The following CFAP44 variants were observed in gnomAD, a reference collection of about 807,000 sequenced individuals.
The protein encoded by CFAP44 is cilia- and flagella-associated protein 44.
Under a neutral mutation model 216.2 loss-of-function variants are expected in CFAP44, and 134 were observed. That is an observed-to-expected ratio of 0.62 (90% CI 0.54 to 0.72). CFAP44 has a LOEUF of 0.72. CFAP44 is among the 30% of genes least tolerant of loss of function. The pLI, the probability that CFAP44 is intolerant of heterozygous loss-of-function variation, is 0.00. For synonymous variants in CFAP44, 700 were observed against 727.6 expected, an observed-to-expected ratio of 0.96 and a Z score of 0.61; for missense variants, 2,035 against 2,182.1, an observed-to-expected ratio of 0.93 and a Z score of 1.34.
intron 6 of CFAP44, among the ~76,000 whole-genome samples, chr3:113,409,849 T>C (rs1196206536): frequency 6.6e-6 from 1 of 152,216 alleles, no homozygotes; most frequent in Admixed American, 6.5e-5. Flanking sequence ...TCGTCCTCAC[T>C]ACTCATTATA....
chr3:113,376,975 T>C (rs530743727), intron 17 of CFAP44, among the ~76,000 whole-genome samples: 11 of 152,280 alleles, frequency 7.2e-5, no homozygotes, highest in Non-Finnish European at 1.5e-4. Flanking sequence ...ACAGTGTCCT[T>C]GGAGAGTTGC....
intron 4 of CFAP44, among the ~76,000 whole-genome samples, chr3:113,423,022 G>A (rs947836137): frequency 2.7e-5 from 4 of 149,222 alleles, no homozygotes; most frequent in African/African-American, 9.9e-5. Flanking sequence ...CTAACACACT[G>A]TCTTCAGCCT....
chr3:113,427,235 C>G lies in CFAP44; in HGVS notation c.205G>C (p.Glu69Gln). The G allele has an allele frequency of 3.7e-6, 6 of 1,613,636 alleles. No individual in the cohort carries two copies. The South Asian group carries it at 6.6e-5, about 18-fold the overall frequency. The change falls in exon 3 of 35, where the codon GAA becomes CAA. Residue 69 changes from glutamate (E) to glutamine (Q), a missense_variant. By Grantham distance (29) the Glu-to-Gln change is conservative (BLOSUM62 2). Transcript: ENST00000393845. ...LEEDSDEERL[E>Q]GSLSSFQYGD... ...TACTGAAATGAACTCAAACTTCCTT[C>G]CAAACGTTCCTCATCTGAGTCTTCT...
intron 28 of CFAP44, among the ~76,000 whole-genome samples, chr3:113,308,609 G>A (rs1344032001): frequency 6.8e-6 from 1 of 146,996 alleles, no homozygotes; most frequent in African/African-American, 2.5e-5. Context: ...TTTTTCTTTT[G>A]AGACAGGATC....
At chr3:113,375,522 T>G (rs535075273) in intron 17 of CFAP44, among the ~76,000 whole-genome samples, 1 of 152,038 alleles carries the variant, frequency 6.6e-6, no homozygotes, top group Non-Finnish European at 1.5e-5. Context: ...ACACATAAAG[T>G]TGGGGTCCCA....
At chr3:113,423,105 C>CTTTTTTT (rs72395986) in intron 4 of CFAP44, among the ~76,000 whole-genome samples, 52 of 79,162 alleles carry the variant, frequency 6.6e-4, no homozygotes, top group African/African-American at 1.3e-3. Context: ...CTGATCCTTC[C>CTTTTTTT]TTTTTTTTTT....
intron 13 of CFAP44, 64 bp from the exon 14 acceptor site, chr3:113,396,791 CAG>C: frequency 6.8e-7 from 1 of 1,469,490 alleles, no homozygotes; most frequent in Non-Finnish European, 9.3e-7. Context: ...TACTATATAA[CAG>C]ATATTTTATT....
At position 113,339,812 on chromosome 3, in the gene CFAP44, A is replaced by G. The variant is rs555853885; in HGVS notation, c.3437+1932T>C. 2.5e-4 allele frequency among the ~76,000 whole-genome samples: 38 copies of G among 152,308 alleles called. 1 individual carries two copies. The South Asian group carries it at 7.3e-3, about 29-fold the overall frequency. On this transcript the variant is annotated intron_variant, in intron 24 of 34. Transcript: ENST00000393845. ...GCAGGGGCCATTCCTGTTAACTTTC[A>G]TATCAGAAACAGAGCTAGGGGGAGC...
At chr3:113,416,091 C>T (rs945623252) in intron 6 of CFAP44, among the ~76,000 whole-genome samples, 1 of 152,026 alleles carries the variant, frequency 6.6e-6, no homozygotes, top group Non-Finnish European at 1.5e-5. Flanking sequence ...TTGAATTGTT[C>T]CTGTTACCAT....
intron 22 of CFAP44, among the ~76,000 whole-genome samples, chr3:113,354,811 A>C (rs535413702): frequency 6.6e-6 from 1 of 152,274 alleles, no homozygotes; most frequent in African/African-American, 2.4e-5. Flanking sequence ...GCAAGTTTGC[A>C]TCCTCCCTAC....
chr3:113,374,625 C>T (rs1050217483), intron 17 of CFAP44, among the ~76,000 whole-genome samples: 3 of 151,944 alleles, frequency 2.0e-5, no homozygotes, highest in South Asian at 2.1e-4. Context: ...GGGAACAATC[C>T]AAGTGTCTAT....
chr3:113,405,836 A>C (rs1934260470), intron 8 of CFAP44, among the ~76,000 whole-genome samples: 1 of 152,196 alleles, frequency 6.6e-6, no homozygotes. Flanking sequence ...AGTATTGAGA[A>C]TTTGAAGCTG....
Position 113,379,334 on chromosome 3 carries a change from G to A in CFAP44, c.2270C>T (p.Ser757Leu). The A allele has an allele frequency of 1.9e-6, 3 of 1,600,180 alleles. No homozygotes were observed. Among genetic ancestry groups the A allele is most frequent in the Non-Finnish European group, 2.6e-6 (3 of 1,170,734 alleles). ...AGAAACCCAGAACTTCCCTGGCTCTGAGTAAAATCCACAGAGGATGGGAGA... is the reference window on the plus strand; with the variant it reads ...AGAAACCCAGAACTTCCCTGGCTCTAAGTAAAATCCACAGAGGATGGGAGA... The part of the protein sequence containing the change: ...TPSPILCGFY[S>L]EPGKFWVSLG... Residue 757 changes from serine (S) to leucine (L), a missense_variant, in exon 17 of 35, where the codon TCA becomes TTA. By Grantham distance (145) the Ser-to-Leu change is moderately radical (BLOSUM62 -2). Coordinates refer to ENST00000393845, the MANE Select transcript of CFAP44 (RefSeq NM_001164496.2).
chr3:113,295,936 T>C (rs1483229780), intron 33 of CFAP44, among the ~76,000 whole-genome samples: 1 of 152,214 alleles, frequency 6.6e-6, no homozygotes, highest in Non-Finnish European at 1.5e-5. Flanking sequence ...CAGGTGTACA[T>C]GTACAAGTCT....
At chr3:113,423,196 G>C (rs1934867203) in intron 4 of CFAP44, among the ~76,000 whole-genome samples, 1 of 145,718 alleles carries the variant, frequency 6.9e-6, no homozygotes, top group Admixed American at 7.1e-5. Context: ...CTCCCTGCAG[G>C]CTCAACTTCC....
intron 33 of CFAP44, 44 bp from the exon 34 acceptor site, chr3:113,294,865 A>G (rs1394342838): frequency 2.0e-6 from 3 of 1,481,662 alleles, no homozygotes; most frequent in Admixed American, 2.5e-5. Flanking sequence ...TGAATACGAG[A>G]AGAAAGAAAG....
chr3:113,407,033 T>G lies in CFAP44; in HGVS notation c.899A>C (p.Glu300Ala). 6.2e-7 allele frequency: 1 copy of G among 1,613,790 alleles called. No individual in the cohort carries two copies. Among genetic ancestry groups the G allele is most frequent in the East Asian group, 2.2e-5 (1 of 44,870 alleles). ...TSGSGHIKFW[E>A]MAFTFTGLKL... ...GAGACCGGTGAACGTAAAAGCCATTTCCCAGAACCTACAAACAAGAAAGAG... is the reference window on the plus strand; with the variant it reads ...GAGACCGGTGAACGTAAAAGCCATTGCCCAGAACCTACAAACAAGAAAGAG... Residue 300 changes from glutamate to alanine, a missense_variant, in exon 8 of 35, where the codon GAA (glutamate) becomes GCA (alanine). Glu to Ala is a moderately radical substitution (Grantham distance 107, BLOSUM62 -1). Transcript: ENST00000393845.
chr3:113,369,441 A>G (rs1247192820), intron 18 of CFAP44, among the ~76,000 whole-genome samples: 2 of 152,250 alleles, frequency 1.3e-5, no homozygotes, highest in Non-Finnish European at 2.9e-5. Context: ...AAACTGCACA[A>G]CTATGTGGAA....
chr3:113,329,221 C>G (rs955735469), intron 26 of CFAP44, among the ~76,000 whole-genome samples: 1 of 152,102 alleles, frequency 6.6e-6, no homozygotes, highest in Admixed American at 6.6e-5. Flanking sequence ...ATTACAGGTG[C>G]AACTGGAGTT....
Sources: allele counts gnomAD v4.1 joint callset (sites outside exome capture counted in the v4.1 genomes callset), GRCh38; gene constraint gnomAD v4.1.1; transcripts MANE v1.5; gene names NCBI Gene and HGNC (gene_info 2026-07-23, HGNC 2026-07-21).